Variants in DET1 observed in about 807,000 individuals in gnomAD.
DET1 encodes the protein DET1 partner of COP1 E3 ubiquitin ligase, also known as DET1 homolog.
Under a neutral mutation model 43.7 loss-of-function variants are expected in DET1, and 22 were observed. That is an observed-to-expected ratio of 0.50 (90% CI 0.36 to 0.72). DET1 has a LOEUF of 0.72. DET1 is among the 30% of genes least tolerant of loss of function. The pLI is 0.00. For missense variants in DET1, 713 were observed against 713.3 expected (o/e 1.00, Z 0.00); for synonymous variants, 315 against 266.2 (o/e 1.18, Z -1.79).
chr15:88,522,512 G>GTTTTTGTTTTTTTTTT (rs2056520247), intron 3 of DET1, among the ~76,000 whole-genome samples: 1 of 80,258 alleles, frequency 1.2e-5, no homozygotes, highest in South Asian at 5.8e-4. Context: ...AATGTTCCTG[G>GTTTTTGTTTTTTTTTT]TTTTTTTTTT....
downstream of DET1, among the ~76,000 whole-genome samples, chr15:88,507,496 C>T (rs1447975303): frequency 6.6e-6 from 1 of 152,198 alleles, no homozygotes; most frequent in Non-Finnish European, 1.5e-5. Flanking sequence ...CCCACACATC[C>T]GACTTCACTC....
At chr15:88,536,403 C>T (rs776897310) in intron 1 of DET1, 58 of 738,900 alleles carry the variant, frequency 7.8e-5, no homozygotes, top group East Asian at 4.7e-4. Flanking sequence ...GACAGTTAAG[C>T]GCTCATAAAT....
intron 1 of DET1, among the ~76,000 whole-genome samples, chr15:88,544,217 C>A (rs565195135): frequency 1.3e-5 from 2 of 152,174 alleles, no homozygotes; most frequent in African/African-American, 4.8e-5. Flanking sequence ...CCTATCGACC[C>A]CAGAGCTCTG....
downstream of DET1, among the ~76,000 whole-genome samples, chr15:88,511,885 C>T (rs2056206010): frequency 6.6e-6 from 1 of 152,112 alleles, no homozygotes; most frequent in Non-Finnish European, 1.5e-5. Context: ...GCCCCTTTCA[C>T]AGTCTGCTCT....
In DET1 at chr15:88,530,670, A is replaced by C; in HGVS notation, c.1036T>G (p.Tyr346Asp). 3.1e-6 allele frequency: 5 copies of C among 1,613,766 alleles called. No individual in the cohort carries two copies. The highest frequency in any genetic ancestry group is 4.2e-6 in the Non-Finnish European group (5 of 1,179,740). ...LLDENHLFIK[Y>D]TSEDVVTLRV... ...AGTGTTACTACATCCTCACTAGTGT[A>C]CTTGATAAACAGGTGGTTTTCATCC... The change falls in exon 2 of 5, where the codon TAC becomes GAC. Residue 346 changes from tyrosine to aspartate, a missense_variant. By Grantham distance (160) the Tyr-to-Asp change is radical. Coordinates refer to ENST00000268148, the MANE Select transcript of DET1 (RefSeq NM_001144074.3).
chr15:88,541,903 C>G (rs1423549572), intron 1 of DET1, among the ~76,000 whole-genome samples: 1 of 152,158 alleles, frequency 6.6e-6, no homozygotes, highest in Admixed American at 6.5e-5. Context: ...GTGGGCTCAC[C>G]GCCCAATTGC....
intron 1 of DET1, among the ~76,000 whole-genome samples, chr15:88,542,805 TAA>T (rs993585961): frequency 4.0e-5 from 6 of 151,816 alleles, no homozygotes; most frequent in African/African-American, 9.7e-5. Context: ...ACCAGAAAAG[TAA>T]AAGAGGTGAA....
At chr15:88,518,105 ATT>A (rs11327620) in intron 3 of DET1, among the ~76,000 whole-genome samples, 19 of 133,384 alleles carry the variant, frequency 1.4e-4, no homozygotes, top group African/African-American at 2.8e-4. Flanking sequence ...CACCCAGCTA[ATT>A]TTTTTTTTTT....
At chr15:88,543,004 G>C (rs913861625) in intron 1 of DET1, among the ~76,000 whole-genome samples, 4 of 152,220 alleles carry the variant, frequency 2.6e-5, no homozygotes, top group Non-Finnish European at 4.4e-5. Flanking sequence ...TGCGGAGATT[G>C]CAAAGCCCTT....
intron 8 of DET1, chr15:88,503,272 AAAAAT>A (rs1190219278): frequency 1.3e-5 from 2 of 152,154 alleles, no homozygotes; most frequent in Non-Finnish European, 2.9e-5. Flanking sequence ...CAAAAAAATA[AAAAAT>A]AAAATAAAAT....
chr15:88,522,528 G>GTTTTTTTTTTTTTTTC (rs2056524629), intron 3 of DET1, among the ~76,000 whole-genome samples: 1 of 11,372 alleles, frequency 8.8e-5, no homozygotes, highest in Non-Finnish European at 1.8e-4. Context: ...TTTTTTTTTT[G>GTTTTTTTTTTTTTTTC]AGTTGGAGTC....
Position 88,513,277 on chromosome 15 carries a change from C to T in DET1, c.1464-137G>A. On this transcript the variant is annotated intron_variant, in intron 4 of 4. Transcript: ENST00000268148. ...ATGAAATCGCCTCTTATATCAGCCC[C>T]AGGTTATCAGAAGTATAAAATCACC... 8.3e-6 allele frequency: 7 copies of T among 841,470 alleles called. No homozygotes were observed. In the South Asian group the frequency reaches 1.3e-4, roughly 16 times the overall value. 52.1% of individuals were successfully genotyped at this position (841,470 alleles called of 1,614,324 possible). A position where few individuals can be genotyped will look rare whatever the true frequency, so the allele number is the denominator to read the frequency against.
At chr15:88,539,340 G>T (rs1490674820) in intron 1 of DET1, among the ~76,000 whole-genome samples, 1 of 151,748 alleles carries the variant, frequency 6.6e-6, no homozygotes, top group Non-Finnish European at 1.5e-5. Context: ...CCAAGCCGGG[G>T]GTTTATACCG....
chr15:88,535,440 A>G (rs564880941), intron 1 of DET1, among the ~76,000 whole-genome samples: 1 of 150,436 alleles, frequency 6.6e-6, no homozygotes, highest in African/African-American at 2.4e-5. Flanking sequence ...AATGCTAAGA[A>G]AAAAAAAAAA....
At chr15:88,529,719 A>G (rs536456862) in intron 2 of DET1, among the ~76,000 whole-genome samples, 1 of 152,326 alleles carries the variant, frequency 6.6e-6, no homozygotes, top group East Asian at 1.9e-4. Context: ...GAATTTCCAA[A>G]CTAGTGTCTA....
rs546752257 is a variant in DET1 at position 88,524,226 on chromosome 15, G to A, written c.1271+3373C>T. ...CACCGCCAGCCCGTCTGGGAGGTGA[G>A]GAGCATCTCTGCCTGGCCGCCCCAT... On this transcript the variant is annotated intron_variant, in intron 3 of 4. Transcript: ENST00000268148. Among the ~76,000 whole-genome samples the A allele has an allele frequency of 5.3e-5, 8 of 151,486 alleles. No individual in the cohort carries two copies. In the South Asian group the frequency reaches 1.7e-3, roughly 32 times the overall value.
intron 1 of DET1, among the ~76,000 whole-genome samples, chr15:88,545,601 A>G (rs1307257131): frequency 2.6e-5 from 4 of 152,108 alleles, no homozygotes; most frequent in Admixed American, 2.0e-4. Flanking sequence ...CTTGTATATT[A>G]AATTGGTTTC....
chr15:88,523,057 GT>G (rs940277570), intron 3 of DET1, among the ~76,000 whole-genome samples: 1 of 151,064 alleles, frequency 6.6e-6, no homozygotes, highest in Non-Finnish European at 1.5e-5. Flanking sequence ...TAATTTTTTT[GT>G]TTTTTCGGAG....
At position 88,516,973 on chromosome 15, in the gene DET1, C is replaced by T. The variant is rs201452172; in HGVS notation, c.1272G>A (p.Arg424=). The part of the protein sequence containing the change: ...SNNFARQIQR[R]FKDTIINAKY... ...TGGCATTTATAATAGTGTCTTTGAACCTAAATGAAAGGACCGGTGAGGAAG... is the reference window on the plus strand; with the variant it reads ...TGGCATTTATAATAGTGTCTTTGAATCTAAATGAAAGGACCGGTGAGGAAG... The change falls in exon 4 of 5, where the codon CGG becomes CGA. Residue 424 remains arginine (R), a splice_region_variant and synonymous_variant. Transcript: ENST00000268148. The surrounding 1 kb of genome is among the most constrained non-coding windows in gnomAD (Gnocchi z 4.4). The T allele has an allele frequency of 2.6e-4, 415 of 1,573,604 alleles. No individual in the cohort carries two copies. Among genetic ancestry groups the T allele is most frequent in the Middle Eastern group, 1.5e-3 (9 of 5,998 alleles).
Sources: gnomAD v4.1 joint callset for allele counts (sites outside exome capture counted in the v4.1 genomes callset) on GRCh38, gnomAD v4.1.1 for gene constraint, Gnocchi (gnomAD v3.1) non-coding constraint, MANE v1.5 for transcripts, NCBI Gene and HGNC (gene_info 2026-07-23, HGNC 2026-07-21) for gene names.